The following CNNM2 variants were observed in gnomAD, a reference collection of about 807,000 sequenced individuals.
The protein encoded by CNNM2 is metal transporter CNNM2.
CNNM2 carries 12 observed loss-of-function variants against 66.9 expected under a neutral mutation model. That is an observed-to-expected ratio of 0.18 (90% CI 0.11 to 0.29). The LOEUF (loss-of-function observed/expected upper bound fraction) is 0.29. Among genes scored for constraint, CNNM2 ranks in the 10% least tolerant of loss-of-function variants. The pLI is 1.00. For synonymous variants in CNNM2, 557 were observed against 501.8 expected (o/e 1.11, Z -1.47); for missense variants, 705 against 1,167.7 (o/e 0.60, Z 5.77).
At chr10:102,972,649 C>T (rs750831771) in intron 1 of CNNM2, among the ~76,000 whole-genome samples, 27 of 152,012 alleles carry the variant, frequency 1.8e-4, no homozygotes, top group Middle Eastern at 3.2e-3. Context: ...AAAAAAAGCT[C>T]CCTGATTCTG....
chr10:102,957,637 T>C (rs1847094885), intron 1 of CNNM2, among the ~76,000 whole-genome samples: 2 of 152,250 alleles, frequency 1.3e-5, no homozygotes, highest in Admixed American at 1.3e-4. Flanking sequence ...ATAACCTTTA[T>C]CTCAGGATTC....
chr10:102,996,622 C>T (rs976870726), intron 1 of CNNM2, among the ~76,000 whole-genome samples: 2 of 152,176 alleles, frequency 1.3e-5, no homozygotes, highest in Admixed American at 6.6e-5. Context: ...GAGGTTGAAG[C>T]TCAGTAAGCT....
At chr10:103,066,292 CCT>C (rs2065475393) in intron 4 of CNNM2, among the ~76,000 whole-genome samples, 1 of 152,170 alleles carries the variant, frequency 6.6e-6, no homozygotes, top group Non-Finnish European at 1.5e-5. Context: ...CCAGCCCTGA[CCT>C]CTCTCCAGAC....
chr10:103,031,210 A>G (rs771917636), intron 1 of CNNM2, among the ~76,000 whole-genome samples: 18 of 152,188 alleles, frequency 1.2e-4, no homozygotes, highest in Non-Finnish European at 1.8e-4. Context: ...GTTTATGTGT[A>G]TTTGTAAATT....
chr10:102,944,275 C>T (rs570936473), intron 1 of CNNM2, among the ~76,000 whole-genome samples: 1 of 152,064 alleles, frequency 6.6e-6, no homozygotes, highest in East Asian at 1.9e-4. Context: ...GATGGGGTTT[C>T]ACCATATTGG....
chr10:103,070,323 C>T (rs989769950), intron 5 of CNNM2, among the ~76,000 whole-genome samples: 7 of 152,130 alleles, frequency 4.6e-5, no homozygotes, highest in South Asian at 2.1e-4. Flanking sequence ...TGGTGTTGAG[C>T]GAGGCCCTTG....
Position 103,050,368 on chromosome 10 carries a change from C to T in CNNM2, c.1765+518C>T, listed in dbSNP as rs569236425. ...CCGACATGGTGAAACCTTGTCTTTA[C>T]TAAAGATACAAAATTAGCTGGGCGT... On this transcript the variant is annotated intron_variant, in intron 2 of 7. Transcript: ENST00000369878. Among the ~76,000 whole-genome samples the T allele has an allele frequency of 2.0e-5, 3 of 152,070 alleles. No homozygotes were observed. The South Asian group carries it at 6.2e-4, about 32-fold the overall frequency.
chr10:102,970,670 A>G (rs371644623), intron 1 of CNNM2, among the ~76,000 whole-genome samples: 1 of 152,218 alleles, frequency 6.6e-6, no homozygotes, highest in Non-Finnish European at 1.5e-5. Context: ...TCACAGGCAC[A>G]GTACCAGTAC....
intron 4 of CNNM2, among the ~76,000 whole-genome samples, chr10:103,062,288 T>G (rs545425530): frequency 6.6e-6 from 1 of 152,318 alleles, no homozygotes; most frequent in African/African-American, 2.4e-5. Context: ...GGTGGCATCT[T>G]AAAATTTATA....
chr10:102,998,973 G>A (rs71471263), intron 1 of CNNM2, among the ~76,000 whole-genome samples: 3,239 of 152,144 alleles, frequency 0.021, 53 homozygotes, highest in Non-Finnish European at 0.034. Flanking sequence ...GGCGCAATCC[G>A]GGCTCACTAC....
At chr10:103,057,853 G>A (rs2065321124) in intron 4 of CNNM2, among the ~76,000 whole-genome samples, 1 of 152,194 alleles carries the variant, frequency 6.6e-6, no homozygotes, top group South Asian at 2.1e-4. Context: ...CAGTAGATGA[G>A]GTGAGAAGGT....
At chr10:102,936,891 T>C (rs1226768024) in intron 1 of CNNM2, among the ~76,000 whole-genome samples, 1 of 152,226 alleles carries the variant, frequency 6.6e-6, no homozygotes, top group Non-Finnish European at 1.5e-5. Flanking sequence ...GAACCACTCA[T>C]TGAGGTACAG....
intron 1 of CNNM2, among the ~76,000 whole-genome samples, chr10:102,997,370 C>T (rs566535518): frequency 3.6e-4 from 55 of 152,264 alleles, no homozygotes; most frequent in Non-Finnish European, 5.6e-4. Context: ...ACTTGCTGTT[C>T]GGGCCATTGA....
chr10:102,963,419 T>C (rs549225748), intron 1 of CNNM2, among the ~76,000 whole-genome samples: 2 of 152,290 alleles, frequency 1.3e-5, no homozygotes, highest in South Asian at 2.1e-4. Flanking sequence ...TAAGAATGAC[T>C]TTCCTCCAGA....
At chr10:102,994,455 A>G (rs2063952038) in intron 1 of CNNM2, among the ~76,000 whole-genome samples, 1 of 152,242 alleles carries the variant, frequency 6.6e-6, no homozygotes, top group Non-Finnish European at 1.5e-5. Context: ...TTCTTGGGGA[A>G]CACATTAGTG....
intron 6 of CNNM2, 127 bp downstream of exon 6, chr10:103,071,966 G>A (rs2065591456): frequency 9.5e-6 from 8 of 843,418 alleles, no homozygotes; most frequent in Non-Finnish European, 1.6e-5. Context: ...GAGCGCTAAA[G>A]CTCTAAGGTT....
At chr10:103,065,679 G>A (rs1255408087) in intron 4 of CNNM2, among the ~76,000 whole-genome samples, 2 of 152,160 alleles carry the variant, frequency 1.3e-5, no homozygotes, top group Non-Finnish European at 2.9e-5. Context: ...AGGCTCCACT[G>A]CATTTGACTC....
At chr10:102,945,356 A>G (rs1049167439) in intron 1 of CNNM2, among the ~76,000 whole-genome samples, 10 of 152,136 alleles carry the variant, frequency 6.6e-5, no homozygotes, top group Non-Finnish European at 1.2e-4. Flanking sequence ...CCTGATTCTT[A>G]TCTAGTGCTA....
chr10:103,016,108 C>T (rs920486879), intron 1 of CNNM2, among the ~76,000 whole-genome samples: 1 of 152,098 alleles, frequency 6.6e-6, no homozygotes, highest in Non-Finnish European at 1.5e-5. Flanking sequence ...AGATCTAGCC[C>T]CATCTAGATT....
Sources: gnomAD v4.1 joint callset for allele counts (sites outside exome capture counted in the v4.1 genomes callset) on GRCh38, gnomAD v4.1.1 for gene constraint, MANE v1.5 for transcripts, NCBI Gene and HGNC (gene_info 2026-07-23, HGNC 2026-07-21) for gene names.